Variants in PCDHA9 observed in about 807,000 individuals in gnomAD.
The protein encoded by PCDHA9 is protocadherin alpha 9, also known as protocadherin alpha-9.
PCDHA9 carries 62 observed loss-of-function variants against 62.0 expected under a neutral mutation model. That is an observed-to-expected ratio of 1.00 (90% CI 0.81 to 1.23). The LOEUF is 1.23. Among genes scored for constraint, PCDHA9 ranks in the 50% most tolerant of loss-of-function variants. The pLI, the probability that PCDHA9 is intolerant of heterozygous loss-of-function variation, is 0.00. For missense variants in PCDHA9, 1,205 were observed against 1,249.8 expected, an observed-to-expected ratio of 0.96 and a Z score of 0.54; for synonymous variants, 557 against 567.6, an observed-to-expected ratio of 0.98 and a Z score of 0.27.
intron 1 of PCDHA9, chr5:140,863,859 G>A (rs1448688968): frequency 1.7e-5 from 3 of 176,552 alleles, no homozygotes; most frequent in African/African-American, 4.8e-5. Flanking sequence ...AAATTAGCTG[G>A]GTGTGGTGGT....
chr5:140,931,111 G>A (rs1584701423), intron 1 of PCDHA9, among the ~76,000 whole-genome samples: 2 of 152,116 alleles, frequency 1.3e-5, no homozygotes, highest in East Asian at 3.8e-4. Flanking sequence ...TAATAGGTAT[G>A]CACATCATTA....
At chr5:140,866,463 T>C (rs1372484700) in intron 1 of PCDHA9, 1 of 152,128 alleles carries the variant, frequency 6.6e-6, no homozygotes, top group Non-Finnish European at 1.5e-5. Flanking sequence ...GCTGGGAAGC[T>C]CATAACAACT....
chr5:140,925,108 G>GGAAGGAAGGAAGGAAGGAAGGAA (rs1554202548), intron 1 of PCDHA9, among the ~76,000 whole-genome samples: 19 of 124,700 alleles, frequency 1.5e-4, no homozygotes, highest in Middle Eastern at 4.0e-3. Context: ...GAAGGAAGGA[G>GGAAGGAAGGAAGGAAGGAAGGAA]GGAAGGAAGG....
intron 1 of PCDHA9, chr5:140,858,284 T>C: frequency 6.3e-7 from 1 of 1,596,754 alleles, no homozygotes; most frequent in South Asian, 1.1e-5. Flanking sequence ...GGTGGGGAGC[T>C]GGTCTTACTC....
At chr5:140,957,799 TA>T (rs1430681763) in intron 1 of PCDHA9, among the ~76,000 whole-genome samples, 2 of 152,032 alleles carry the variant, frequency 1.3e-5, no homozygotes, top group African/African-American at 2.4e-5. Context: ...ATATGTTAAG[TA>T]AAAAAAAGTC....
At chr5:140,884,501 G>T (rs2060219226) in intron 1 of PCDHA9, 2 of 1,614,146 alleles carry the variant, frequency 1.2e-6, no homozygotes, top group Non-Finnish European at 1.7e-6. Context: ...CTCCAGCGCG[G>T]CAGGGAGTTG....
At chr5:140,865,092 AG>A (rs2153225895) in intron 1 of PCDHA9, 1 of 152,364 alleles carries the variant, frequency 6.6e-6, no homozygotes, top group East Asian at 1.9e-4. Context: ...ATATTAATAA[AG>A]GCACTTCCAC....
At chr5:140,867,411 AT>A (rs2049946393) in intron 1 of PCDHA9, 2 of 152,130 alleles carry the variant, frequency 1.3e-5, no homozygotes, top group South Asian at 2.1e-4. Context: ...GTCTCCTTTA[AT>A]TTTTTAATAC....
chr5:140,877,527 C>A (rs1554169810), intron 1 of PCDHA9: 1 of 1,613,642 alleles, frequency 6.2e-7, no homozygotes, highest in East Asian at 2.2e-5. Flanking sequence ...CCTCAGTGGG[C>A]GCTGTGGATC....
intron 1 of PCDHA9, among the ~76,000 whole-genome samples, chr5:140,923,640 T>G (rs2081459480): frequency 6.6e-6 from 1 of 152,234 alleles, no homozygotes; most frequent in African/African-American, 2.4e-5. Flanking sequence ...GCAAAAATCT[T>G]TAGCCTCCCT....
intron 1 of PCDHA9, chr5:140,877,258 G>T (rs1206242754): frequency 1.9e-6 from 3 of 1,613,662 alleles, no homozygotes; most frequent in Non-Finnish European, 2.5e-6. Context: ...GAAAGTGCGC[G>T]CGGTGGACGC....
In PCDHA9 at chr5:140,999,778, T is replaced by G. The variant is rs1252583642; in HGVS notation, c.2543-9849T>G. On this transcript the variant is annotated intron_variant, in intron 3 of 3. Coordinates refer to ENST00000532602, the MANE Select transcript of PCDHA9 (RefSeq NM_031857.2). ...ACATGATGTCTTTATACTCTTAACC[T>G]AGAAATGGCAGAGTTATTTTGGGCA... 3.0e-4 allele frequency among the ~76,000 whole-genome samples: 46 copies of G among 152,162 alleles called. 1 individual carries two copies.
intron 1 of PCDHA9, among the ~76,000 whole-genome samples, chr5:140,922,848 C>A (rs1345344826): frequency 6.6e-6 from 1 of 151,962 alleles, no homozygotes; most frequent in Non-Finnish European, 1.5e-5. Context: ...TCAAAGAGAC[C>A]AAATACATAG....
At chr5:140,956,200 GA>G (rs1385482287) in intron 1 of PCDHA9, among the ~76,000 whole-genome samples, 1 of 152,152 alleles carries the variant, frequency 6.6e-6, no homozygotes, top group Non-Finnish European at 1.5e-5. Flanking sequence ...TAGGAGTGGT[GA>G]AAGAGGGCAT....
intron 1 of PCDHA9, among the ~76,000 whole-genome samples, chr5:140,934,913 G>A (rs1226804104): frequency 1.3e-5 from 2 of 152,062 alleles, no homozygotes; most frequent in African/African-American, 4.8e-5. Flanking sequence ...GAATAATTAT[G>A]GATTCACATA....
chr5:140,873,262 G>T (rs1196053156), intron 1 of PCDHA9, among the ~76,000 whole-genome samples: 1 of 152,136 alleles, frequency 6.6e-6, no homozygotes, highest in Non-Finnish European at 1.5e-5. Context: ...ACTCAAAAGT[G>T]ATTAAACCAT....
Position 141,006,215 on chromosome 5 carries a change from T to A in PCDHA9, c.2543-3412T>A, listed in dbSNP as rs530559800. Among the ~76,000 whole-genome samples, 194 of 151,754 alleles carry A rather than the reference T, an allele frequency of 1.3e-3. 2 individuals carry two copies. The highest frequency in any genetic ancestry group is 4.2e-3 in the African/African-American group (174 of 41,396). ...ATGTATGTTATGCCTCATTTTTTTT[T>A]AAATTTTTTATTTTTAGATGGAGTC... On this transcript the variant is annotated intron_variant, in intron 3 of 3. Coordinates refer to ENST00000532602, the MANE Select transcript of PCDHA9 (RefSeq NM_031857.2).
chr5:140,884,521 G>C (rs569278761), intron 1 of PCDHA9: 1 of 1,614,196 alleles, frequency 6.2e-7, no homozygotes, highest in African/African-American at 1.3e-5. Context: ...GGTCGTACTC[G>C]CAGCAGAGGC....
intron 1 of PCDHA9, among the ~76,000 whole-genome samples, chr5:140,975,597 T>C (rs2096674133): frequency 6.6e-6 from 1 of 152,242 alleles, no homozygotes; most frequent in Non-Finnish European, 1.5e-5. Context: ...GAGGGCAATT[T>C]GTTGATGTCT....
Sources: gnomAD v4.1 joint callset for allele counts (sites outside exome capture counted in the v4.1 genomes callset) on GRCh38, gnomAD v4.1.1 for gene constraint, MANE v1.5 for transcripts, NCBI Gene and HGNC (gene_info 2026-07-23, HGNC 2026-07-21) for gene names.